Variants in B4GALT6 observed in about 807,000 individuals in gnomAD.
The protein encoded by B4GALT6 is beta-1,4-galactosyltransferase 6.
In B4GALT6, 14 loss-of-function variants were observed where a neutral mutation model predicts 46.3. That is an observed-to-expected ratio of 0.30 (90% CI 0.20 to 0.47). The LOEUF is 0.47. Ranked by LOEUF, B4GALT6 falls within the 20% of genes least tolerant of loss-of-function variation. B4GALT6 has a pLI of 0.99. For synonymous variants in B4GALT6, 168 were observed against 162.0 expected, an observed-to-expected ratio of 1.04 and a Z score of -0.28; for missense variants, 386 against 480.1, an observed-to-expected ratio of 0.80 and a Z score of 1.83.
At chr18:31,719,193 C>T in the B4GALT6 span, 1 of 152,168 alleles carries the variant, frequency 6.6e-6, no homozygotes, top group Non-Finnish European at 1.5e-5. Context: ...ATCGGTATAT[C>T]AAGATTTAGA....
Position 31,627,218 on chromosome 18 carries a change from C to T in B4GALT6, c.777-97G>A, listed in dbSNP as rs187624262. 55 of 985,578 alleles carry T rather than the reference C, an allele frequency of 5.6e-5. No individual in the cohort carries two copies. The East Asian group carries it at 6.0e-4, about 11-fold the overall frequency. 61.1% of individuals were successfully genotyped at this position (985,578 alleles called of 1,614,324 possible). ...CTTTTATGTGCTTTGCAAAATATGC[C>T]CTTATATTCTATATAGACAATTATG... On this transcript the variant is annotated intron_variant, in intron 6 of 8. Transcript: ENST00000306851.
At chr18:31,648,116 C>A (rs1416049618) in intron 3 of B4GALT6, among the ~76,000 whole-genome samples, 1 of 152,146 alleles carries the variant, frequency 6.6e-6, no homozygotes, top group Non-Finnish European at 1.5e-5. Flanking sequence ...TCAAGGGCAA[C>A]TGAAGAGATC....
intron 3 of B4GALT6, among the ~76,000 whole-genome samples, chr18:31,650,870 A>G (rs761831288): frequency 1.4e-4 from 22 of 152,122 alleles, no homozygotes; most frequent in South Asian, 2.1e-4. Context: ...CCGGGTTCAC[A>G]CCATTCTCCT....
chr18:31,674,972 T>C (rs1197818270), intron 1 of B4GALT6, among the ~76,000 whole-genome samples: 8 of 152,184 alleles, frequency 5.3e-5, no homozygotes, highest in Non-Finnish European at 8.8e-5. Context: ...ATAATATCCT[T>C]ACCTCTACTT....
upstream of B4GALT6, among the ~76,000 whole-genome samples, chr18:31,689,706 C>T (rs961027717): frequency 1.2e-4 from 18 of 152,054 alleles, no homozygotes; most frequent in Admixed American, 9.2e-4. Flanking sequence ...ATCACACCAC[C>T]GCACTCCATC....
rs578022585 is a variant in B4GALT6 at position 31,635,795 on chromosome 18, G to A, written c.588+2849C>T. On this transcript the variant is annotated intron_variant, in intron 5 of 8. Transcript: ENST00000306851. ...ATCGTGCTATCGCACTCCAGCCTGG[G>A]CGACAGAGGCAGACTCTGTCTCAAA... is the stretch of plus-strand genomic sequence containing the variant. 6.6e-4 allele frequency among the ~76,000 whole-genome samples: 100 copies of A among 152,248 alleles called. 1 individual carries two copies. The highest frequency in any genetic ancestry group is 2.3e-3 in the African/African-American group (94 of 41,540).
At chr18:31,683,976 C>T (rs1406416803) in intron 1 of B4GALT6, among the ~76,000 whole-genome samples, 2 of 152,172 alleles carry the variant, frequency 1.3e-5, no homozygotes, top group Non-Finnish European at 2.9e-5. Flanking sequence ...TCAGTTTAGG[C>T]TTAAAGACTT....
In B4GALT6 at chr18:31,684,377, G is replaced by A; in HGVS notation, c.50C>T (p.Ala17Val). 6.2e-7 allele frequency: 1 copy of A among 1,613,704 alleles called. No homozygotes were observed. The highest frequency in any genetic ancestry group is 8.5e-7 in the Non-Finnish European group (1 of 1,179,898). The change falls in exon 1 of 9, where the codon GCC (alanine) becomes GTC (valine). Residue 17 changes from alanine (A) to valine (V), a missense_variant. Coordinates refer to ENST00000306851, the MANE Select transcript of B4GALT6 (RefSeq NM_004775.5). ...MMRVSNRSLL[A>V]FIFFFSLSSS... is the part of the protein sequence containing the mutation. Reference sequence around the variant, plus strand: ...AGAGAGGGAGAAGAAGAAGATGAAGGCGAGGAGAGAGCGATTGGAAACCCG... The same window carrying A: ...AGAGAGGGAGAAGAAGAAGATGAAGACGAGGAGAGAGCGATTGGAAACCCG...
the B4GALT6 span, among the ~76,000 whole-genome samples, chr18:31,702,604 T>C: frequency 1.3e-5 from 2 of 151,980 alleles, no homozygotes; most frequent in Non-Finnish European, 1.5e-5. Flanking sequence ...TGTTTATAAG[T>C]TCTGGGTGGG....
At chr18:31,670,757 C>CT (rs1024740598) in intron 1 of B4GALT6, among the ~76,000 whole-genome samples, 7 of 152,002 alleles carry the variant, frequency 4.6e-5, no homozygotes, top group African/African-American at 1.2e-4. Context: ...AATGTAATGT[C>CT]TTTTTTTTAT....
chr18:31,686,169 A>C (rs1187631751), upstream of B4GALT6: 1 of 152,222 alleles, frequency 6.6e-6, no homozygotes, highest in Non-Finnish European at 1.5e-5. Flanking sequence ...TTTTTCAACT[A>C]ATCATGCAGG....
chr18:31,684,316 G>C lies in B4GALT6; in HGVS notation c.111C>G (p.Gly37=). Residue 37 remains glycine (G), a synonymous_variant, in exon 1 of 9, where the codon GGC becomes GGG. Transcript: ENST00000306851. ...SCLYFIYVAP[G]IANTYLFMVQ... ...AGGGTGTGTCTCGGTGCTTACCGATGCCTGGGGCCACATAGATGAAGTACA... is the reference window on the plus strand; with the variant it reads ...AGGGTGTGTCTCGGTGCTTACCGATCCCTGGGGCCACATAGATGAAGTACA... 2 of 1,613,496 alleles carry C rather than the reference G, an allele frequency of 1.2e-6. No individual in the cohort carries two copies. Among genetic ancestry groups the C allele is most frequent in the Non-Finnish European group, 1.7e-6 (2 of 1,179,734 alleles).
At chr18:31,711,463 A>G in the B4GALT6 span, among the ~76,000 whole-genome samples, 1 of 151,962 alleles carries the variant, frequency 6.6e-6, no homozygotes, top group African/African-American at 2.4e-5. Context: ...CTTTGTGTTC[A>G]TGTGTTCTCA....
the B4GALT6 span, among the ~76,000 whole-genome samples, chr18:31,694,509 C>G: frequency 6.6e-6 from 1 of 152,196 alleles, no homozygotes; most frequent in Non-Finnish European, 1.5e-5. Flanking sequence ...CAGAGTCTCT[C>G]TAAACTCTGC....
the B4GALT6 span, among the ~76,000 whole-genome samples, chr18:31,719,458 C>G: frequency 6.6e-6 from 1 of 152,150 alleles, no homozygotes; most frequent in Admixed American, 6.5e-5. Flanking sequence ...TTTCTTCACC[C>G]TGTAAAACCT....
rs1248796301 is a variant in B4GALT6, at chr18:31,622,818, A to G, written c.*2796T>C. The stretch of plus-strand genomic sequence containing the variant: ...TAACTATCTCCACTGTGAATTATAT[A>G]TAGTTCCAGCAAATGTGTACTCTTC... On this transcript the variant is annotated 3_prime_UTR_variant, in exon 9 of 9. Transcript: ENST00000306851. The G allele has an allele frequency of 6.6e-6, 1 of 152,126 alleles. No individual in the cohort carries two copies. Among genetic ancestry groups the G allele is most frequent in the African/African-American group, 2.4e-5 (1 of 41,460 alleles). The allele number at this position is 152,126 out of a possible 1,614,324, so 9.4% of individuals were successfully genotyped here. A position where few individuals can be genotyped will look rare whatever the true frequency, so the allele number is the denominator to read the frequency against.
At chr18:31,672,947 A>G (rs941470927) in intron 1 of B4GALT6, among the ~76,000 whole-genome samples, 1 of 152,212 alleles carries the variant, frequency 6.6e-6, no homozygotes, top group South Asian at 2.1e-4. Flanking sequence ...AAAATAGTAA[A>G]GATTTCAGTG....
upstream of B4GALT6, chr18:31,685,854 G>A (rs2029897153): frequency 6.6e-6 from 1 of 152,254 alleles, no homozygotes; most frequent in Non-Finnish European, 1.5e-5. Flanking sequence ...CGCACTTCCT[G>A]TGGAAACAGT....
intron 3 of B4GALT6, among the ~76,000 whole-genome samples, chr18:31,653,545 C>T (rs1005224244): frequency 6.8e-6 from 1 of 147,178 alleles, no homozygotes; most frequent in African/African-American, 2.5e-5. Context: ...AAGGTTCAAG[C>T]GATACTCCAC....
Sources: allele counts gnomAD v4.1 joint callset (sites outside exome capture counted in the v4.1 genomes callset), GRCh38; gene constraint gnomAD v4.1.1; transcripts MANE v1.5; gene names NCBI Gene and HGNC (gene_info 2026-07-23, HGNC 2026-07-21).